The following ANTXR2 variants were observed in gnomAD, a reference collection of about 807,000 sequenced individuals.
The protein encoded by ANTXR2 is ANTXR cell adhesion molecule 2.
Under a neutral mutation model 73.7 loss-of-function variants are expected in ANTXR2, and 44 were observed. That is an observed-to-expected ratio of 0.60 (90% confidence interval 0.47 to 0.77). The LOEUF (loss-of-function observed/expected upper bound fraction) is 0.77, where lower values mean the gene tolerates loss of function less well. ANTXR2 is among the 30% of genes least tolerant of loss of function. The pLI is 0.00. For missense variants in ANTXR2, 604 were observed against 592.5 expected, an observed-to-expected ratio of 1.02 and a Z score of -0.20; for synonymous variants, 217 against 205.9, an observed-to-expected ratio of 1.05 and a Z score of -0.46.
chr4:79,943,767 C>T (rs975126840), intron 16 of ANTXR2, among the ~76,000 whole-genome samples: 13 of 150,348 alleles, frequency 8.6e-5, no homozygotes, highest in African/African-American at 3.2e-4. Flanking sequence ...ATAAAACCCC[C>T]TAAGAATACT....
At chr4:79,937,122 G>A (rs2109969091) in intron 16 of ANTXR2, among the ~76,000 whole-genome samples, 1 of 151,760 alleles carries the variant, frequency 6.6e-6, no homozygotes, top group Non-Finnish European at 1.5e-5. Flanking sequence ...ACTTAATTAA[G>A]CTTTTAATTC....
intron 7 of ANTXR2, among the ~76,000 whole-genome samples, chr4:80,052,727 ATAACT>A (rs1446485442): frequency 4.0e-4 from 60 of 151,832 alleles, no homozygotes; most frequent in Admixed American, 1.1e-3. Flanking sequence ...ATCTTTCAAC[ATAACT>A]TAAGTTAAAG....
In ANTXR2 at chr4:80,054,253, C is replaced by T. The variant is rs377322299; in HGVS notation, c.636+19G>A. The stretch of plus-strand genomic sequence containing the variant: ...TATACAAGGTTATGAGCCCTTCCTG[C>T]CCCCAGAGAAATACTCACAGAATTA... On this transcript the variant is annotated intron_variant, in intron 7 of 16. Coordinates refer to ENST00000403729, the MANE Select transcript of ANTXR2 (RefSeq NM_058172.6). 5.1e-6 allele frequency: 8 copies of T among 1,567,314 alleles called. No individual in the cohort carries two copies. The African/African-American group carries it at 8.3e-5, about 16-fold the overall frequency.
At chr4:79,996,446 C>T (rs1442075979) in intron 12 of ANTXR2, among the ~76,000 whole-genome samples, 1 of 151,840 alleles carries the variant, frequency 6.6e-6, no homozygotes, top group African/African-American at 2.4e-5. Flanking sequence ...GAGTTTATCA[C>T]CATTTTATAT....
intron 10 of ANTXR2, among the ~76,000 whole-genome samples, chr4:80,030,665 C>A (rs1398420081): frequency 6.6e-6 from 1 of 152,060 alleles, no homozygotes; most frequent in East Asian, 1.9e-4. Flanking sequence ...CGATAGATAT[C>A]TTGAATATTT....
rs79264396 is a variant in ANTXR2, at chr4:79,947,194, T to G, written c.1428+30427A>C. Among the ~76,000 whole-genome samples, 6 of 152,318 alleles carry G rather than the reference T, an allele frequency of 3.9e-5. No homozygotes were observed. The South Asian group carries it at 1.2e-3, about 32-fold the overall frequency. On this transcript the variant is annotated intron_variant, in intron 16 of 16. Transcript: ENST00000403729. The stretch of plus-strand genomic sequence containing the variant: ...TCAAATTTAAGGCTAAATGAACCAT[T>G]TATCAGTTTTTAAGCTAGTTCATGT...
intron 16 of ANTXR2, among the ~76,000 whole-genome samples, chr4:79,924,045 T>A (rs1262426493): frequency 6.6e-6 from 1 of 152,148 alleles, no homozygotes; most frequent in Non-Finnish European, 1.5e-5. Context: ...GTTATATGGG[T>A]GTATTGCATA....
chr4:80,060,502 G>C (rs1323361401), intron 3 of ANTXR2, among the ~76,000 whole-genome samples: 1 of 152,124 alleles, frequency 6.6e-6, no homozygotes, highest in African/African-American at 2.4e-5. Flanking sequence ...ATAGTTTCTG[G>C]GATGGTATGG....
chr4:79,962,893 AT>A, intron 16 of ANTXR2, among the ~76,000 whole-genome samples: 1 of 152,136 alleles, frequency 6.6e-6, no homozygotes, highest in East Asian at 1.9e-4. Context: ...TATTTTAATG[AT>A]TTTTTTTAAG....
chr4:79,925,203 A>C (rs1412598329), intron 16 of ANTXR2, among the ~76,000 whole-genome samples: 1 of 151,760 alleles, frequency 6.6e-6, no homozygotes, highest in Non-Finnish European at 1.5e-5. Context: ...ACATCAATGC[A>C]CCTTGCAAAA....
At chr4:79,958,719 T>C (rs970317523) in intron 16 of ANTXR2, among the ~76,000 whole-genome samples, 1 of 152,120 alleles carries the variant, frequency 6.6e-6, no homozygotes, top group African/African-American at 2.4e-5. Flanking sequence ...GGAACTAATC[T>C]AGTTAAGAGC....
intron 16 of ANTXR2, among the ~76,000 whole-genome samples, chr4:79,960,088 G>A (rs992964627): frequency 6.6e-6 from 1 of 152,140 alleles, no homozygotes; most frequent in Non-Finnish European, 1.5e-5. Flanking sequence ...TAAGATTTGA[G>A]ATGGGCATAT....
At chr4:80,011,643 T>C (rs1441485810) in intron 11 of ANTXR2, among the ~76,000 whole-genome samples, 1 of 152,230 alleles carries the variant, frequency 6.6e-6, no homozygotes, top group African/African-American at 2.4e-5. Context: ...ATACTCTTCT[T>C]CATCTGACTC....
At chr4:79,937,406 T>C (rs1206016436) in intron 16 of ANTXR2, among the ~76,000 whole-genome samples, 1 of 152,202 alleles carries the variant, frequency 6.6e-6, no homozygotes, top group Non-Finnish European at 1.5e-5. Context: ...CATTTGGACA[T>C]ATCTTCATTG....
At chr4:80,027,219 TA>T (rs1732485141) in intron 10 of ANTXR2, among the ~76,000 whole-genome samples, 2 of 152,124 alleles carry the variant, frequency 1.3e-5, no homozygotes, top group African/African-American at 4.8e-5. Context: ...AGGGATTCTA[TA>T]GACATACACA....
intron 7 of ANTXR2, among the ~76,000 whole-genome samples, chr4:80,050,115 CT>C (rs1177758323): frequency 6.6e-6 from 1 of 151,766 alleles, no homozygotes; most frequent in African/African-American, 2.4e-5. Context: ...AGTTTCTTCT[CT>C]GAATTTCTAA....
At position 79,978,370 on chromosome 4, in the gene ANTXR2, A is replaced by C. The variant is rs1578125305; in HGVS notation, c.1180-196T>G. Among the ~76,000 whole-genome samples the C allele has an allele frequency of 2.6e-5, 1 of 39,154 alleles. No individual in the cohort carries two copies. The highest frequency in any genetic ancestry group is 5.0e-5 in the African/African-American group (1 of 19,862). 25.7% of individuals were successfully genotyped at this position (39,154 alleles called of 152,430 possible). The stretch of plus-strand genomic sequence containing the variant: ...CTGACTGTATTTAATATTAAGATCC[A>C]AAAAAAAAAAAAACCCTTTGTAAAA... On this transcript the variant is annotated intron_variant, in intron 14 of 16. Coordinates refer to ENST00000403729, the MANE Select transcript of ANTXR2 (RefSeq NM_058172.6).
At chr4:80,061,409 G>C (rs1734248290) in intron 3 of ANTXR2, among the ~76,000 whole-genome samples, 1 of 151,784 alleles carries the variant, frequency 6.6e-6, no homozygotes, top group Non-Finnish European at 1.5e-5. Context: ...ATAATTGCAG[G>C]AATACTATAG....
intron 7 of ANTXR2, among the ~76,000 whole-genome samples, chr4:80,048,174 AT>A (rs1466604086): frequency 6.6e-6 from 1 of 151,060 alleles, no homozygotes; most frequent in Non-Finnish European, 1.5e-5. Context: ...ATATAAGAAT[AT>A]TTTCAAAAAC....
Sources: allele counts gnomAD v4.1 joint callset (sites outside exome capture counted in the v4.1 genomes callset), GRCh38; gene constraint gnomAD v4.1.1; transcripts MANE v1.5; gene names NCBI Gene and HGNC (gene_info 2026-07-23, HGNC 2026-07-21).